Variants in ELN observed in about 807,000 individuals in gnomAD.
The protein encoded by ELN is elastin.
A neutral mutation model predicts 105.8 loss-of-function variants in ELN; 65 were observed. The ratio of observed to expected loss-of-function variants is 0.61; its 90% confidence interval spans 0.50 to 0.75. The LOEUF (loss-of-function observed/expected upper bound fraction) is 0.75. ELN is among the 30% of genes least tolerant of loss of function. The pLI is 0.00. For synonymous variants in ELN, 368 were observed against 389.2 expected (o/e 0.95, Z 0.64); for missense variants, 882 against 969.4 (o/e 0.91, Z 1.20).
intron 32 of ELN, 91 bp from the exon 33 acceptor site, chr7:74,068,566 G>A (rs937401723): frequency 2.6e-6 from 4 of 1,522,874 alleles, no homozygotes; most frequent in Non-Finnish European, 3.6e-6. Context: ...GCTTCTTGGA[G>A]CCTCCATTCG....
intron 16 of ELN, 22 bp downstream of exon 16, chr7:74,051,861 G>T (rs1794117076): frequency 6.2e-7 from 1 of 1,614,230 alleles, no homozygotes; most frequent in African/African-American, 1.3e-5. Flanking sequence ...CCCAGCAGGG[G>T]GCGGGTGTGT....
chr7:74,047,840 G>T, intron 13 of ELN, 124 bp downstream of exon 13: 5 of 1,394,192 alleles, frequency 3.6e-6, no homozygotes, highest in Non-Finnish European at 5.0e-6. Context: ...TGGGGTCTTG[G>T]AGTGGGAATC....
intron 5 of ELN, among the ~76,000 whole-genome samples, chr7:74,041,701 C>T (rs1791249704): frequency 6.6e-6 from 1 of 151,818 alleles, no homozygotes; most frequent in Non-Finnish European, 1.5e-5. Flanking sequence ...AGAAAGACCT[C>T]ATCTCTTTTG....
At chr7:74,065,758 G>A in intron 30 of ELN, 26 bp downstream of exon 30, 2 of 1,613,886 alleles carry the variant, frequency 1.2e-6, no homozygotes, top group Non-Finnish European at 1.7e-6. Context: ...ATGCCTTCCT[G>A]CCAGTGGCCT....
At chr7:74,056,745 C>G in intron 21 of ELN, 32 bp downstream of exon 21, 1 of 1,613,470 alleles carries the variant, frequency 6.2e-7, no homozygotes. Flanking sequence ...GTCCCCAAGT[C>G]CTGCTCTCCC....
intron 18 of ELN, 47 bp from the exon 19 acceptor site, chr7:74,054,669 C>T: frequency 6.3e-7 from 1 of 1,594,026 alleles, no homozygotes; most frequent in South Asian, 1.1e-5. Flanking sequence ...CTACACAGCT[C>T]TCCTCCAATC....
At chr7:74,056,134 C>A in intron 19 of ELN, 137 bp from the exon 20 acceptor site, 2 of 1,134,854 alleles carry the variant, frequency 1.8e-6, no homozygotes, top group Non-Finnish European at 2.6e-6. Context: ...GGGACCCAGG[C>A]ATCCCAGTTT....
chr7:74,060,429 G>A lies in ELN; in HGVS notation c.1675G>A (p.Val559Ile), dbSNP rs560081099. 6.0e-5 allele frequency: 97 copies of A among 1,614,162 alleles called. No homozygotes were observed. The highest frequency in any genetic ancestry group is 4.0e-4 in the East Asian group (18 of 44,868). The change falls in exon 25 of 33, where the codon GTC becomes ATC. Residue 559 changes from valine to isoleucine, a missense_variant. Coordinates refer to ENST00000252034, the MANE Select transcript of ELN (RefSeq NM_000501.4). ...CCCTGGACTTGGAGTTGGTGTCGGC[G>A]TCCCTGGACTTGGAGTTGGTGCTGG... ...GIPGLGVGVGVPGLGVGAGVP... is the reference protein window; with the variant it reads ...GIPGLGVGVGIPGLGVGAGVP...
intron 13 of ELN, 23 bp downstream of exon 13, chr7:74,047,739 G>A: frequency 6.2e-7 from 1 of 1,614,094 alleles, no homozygotes. Flanking sequence ...CTTCTAGACT[G>A]TGGGCTTCCA....
chr7:74,057,262 A>G lies in ELN; in HGVS notation c.1358-378A>G, dbSNP rs542568602. 4.4e-5 allele frequency: 36 copies of G among 819,638 alleles called. No individual in the cohort carries two copies. In the Admixed American group the frequency reaches 1.3e-3, roughly 29 times the overall value. The allele number at this position is 819,638 out of a possible 1,614,324, so 50.8% of individuals were successfully genotyped here. A position where few individuals can be genotyped will look rare whatever the true frequency, so the allele number is the denominator to read the frequency against. On this transcript the variant is annotated intron_variant, in intron 21 of 32. Coordinates refer to ENST00000252034, the MANE Select transcript of ELN (RefSeq NM_000501.4). ...CTAAAAATAAAAAAAAAAGAAAAAGAAAAAGAATTGAAGGTGCCAGGAAGC... is the reference window on the plus strand; with the variant it reads ...CTAAAAATAAAAAAAAAAGAAAAAGGAAAAGAATTGAAGGTGCCAGGAAGC...
intron 15 of ELN, among the ~76,000 whole-genome samples, chr7:74,049,427 CATCCATCCATTT>C: frequency 6.6e-6 from 1 of 151,540 alleles, no homozygotes; most frequent in East Asian, 2.0e-4. Context: ...TCCCCTCATC[CATCCATCCATTT>C]ATCCATCCAT....
In ELN at chr7:74,063,061, C is replaced by T; in HGVS notation, c.1787-92C>T. 6 of 1,474,510 alleles carry T rather than the reference C, an allele frequency of 4.1e-6. No homozygotes were observed. In the South Asian group the frequency reaches 7.4e-5, roughly 18 times the overall value. 91.3% of individuals were successfully genotyped at this position (1,474,510 alleles called of 1,614,324 possible). On this transcript the variant is annotated intron_variant, in intron 26 of 32. Coordinates refer to ENST00000252034, the MANE Select transcript of ELN (RefSeq NM_000501.4). The surrounding 1 kb of genome is among the most constrained non-coding windows in gnomAD (Gnocchi z 4.1). ...ACTGCTCCTCCACAGTGTCACATGG[C>T]CCCTGCCACCTGTCTGCTTGCCTTG...
chr7:74,043,309 C>G, intron 8 of ELN, 141 bp downstream of exon 8: 2 of 1,268,516 alleles, frequency 1.6e-6, no homozygotes, highest in Non-Finnish European at 2.2e-6. Context: ...ACTAGCCAGG[C>G]TGGTGCCTGC....
chr7:74,047,672 C>G lies in ELN; in HGVS notation c.644-3C>G, dbSNP rs1554673337. ...CCCTGAGTTTGCTCTGTCCTCTCTC[C>G]AGGTGGCTATGGACTGCCCTACACC... On this transcript the variant is annotated splice_polypyrimidine_tract_variant and splice_region_variant and intron_variant, in intron 12 of 32. Transcript: ENST00000252034. 13 of 1,614,192 alleles carry G rather than the reference C, an allele frequency of 8.1e-6. No individual in the cohort carries two copies. Among genetic ancestry groups the G allele is most frequent in the Non-Finnish European group, 1.1e-5 (13 of 1,180,018 alleles).
intron 14 of ELN, 86 bp downstream of exon 14, chr7:74,048,287 G>A (rs1440884695): frequency 6.3e-7 from 1 of 1,587,490 alleles, no homozygotes; most frequent in African/African-American, 1.3e-5. Context: ...GTTCCCTCCT[G>A]AAAGCAGCAG....
chr7:74,067,058 G>A (rs1798112773), intron 32 of ELN, among the ~76,000 whole-genome samples: 1 of 152,318 alleles, frequency 6.6e-6, no homozygotes, highest in Middle Eastern at 3.4e-3. Flanking sequence ...GGCTGAGGAG[G>A]GCAGATCACC....
chr7:74,057,261 GAA>G, intron 21 of ELN: 1 of 805,898 alleles, frequency 1.2e-6, no homozygotes, highest in Non-Finnish European at 1.8e-6. Context: ...AAAAGAAAAA[GAA>G]AAAGAATTGA....
chr7:74,046,254 C>A (rs1792487643), intron 11 of ELN, 37 bp downstream of exon 11: 1 of 1,614,002 alleles, frequency 6.2e-7, no homozygotes, highest in African/African-American at 1.3e-5. Context: ...GGGTGGCCAG[C>A]CAGGCAGAGG....
chr7:74,065,630 A>C, intron 29 of ELN, 64 bp from the exon 30 acceptor site: 1 of 1,582,336 alleles, frequency 6.3e-7, no homozygotes, highest in Non-Finnish European at 8.6e-7. Flanking sequence ...AAAAAAAAAA[A>C]AAAAGACAGG....
Sources: gnomAD v4.1 joint callset for allele counts (sites outside exome capture counted in the v4.1 genomes callset) on GRCh38, gnomAD v4.1.1 for gene constraint, Gnocchi (gnomAD v3.1) non-coding constraint, MANE v1.5 for transcripts, NCBI Gene and HGNC (gene_info 2026-07-23, HGNC 2026-07-21) for gene names.